PES1: variants seen among roughly 807,000 people sequenced by gnomAD.
The protein encoded by PES1 is pescadillo ribosomal biogenesis factor 1.
Under a neutral mutation model 77.1 loss-of-function variants are expected in PES1, and 31 were observed. The ratio of observed to expected loss-of-function variants is 0.40; its 90% CI spans 0.30 to 0.54. The LOEUF (loss-of-function observed/expected upper bound fraction) is 0.54. PES1 is among the 20% of genes least tolerant of loss of function. The pLI, the probability that PES1 is intolerant of heterozygous loss-of-function variation, is 0.45. For missense variants in PES1, 658 were observed against 771.7 expected (o/e 0.85, Z 1.75); for synonymous variants, 282 against 303.0 (o/e 0.93, Z 0.72).
At position 30,605,586 on chromosome 22, in the gene PES1, A is replaced by ACC. The variant is rs752659970; in HGVS notation, c.-717-71_-717-70dup. The ACC allele has an allele frequency of 1.6e-4, 98 of 611,024 alleles. No individual in the cohort carries two copies. In the South Asian group the frequency reaches 3.2e-3, roughly 20 times the overall value. 37.9% of individuals were successfully genotyped at this position (611,024 alleles called of 1,614,324 possible). ...GGGTTGGGGGAGCCAAGGCAGTCCC[A>ACC]CCCAGGACCAAGGTGGCTCCATTGC... On this transcript the variant is annotated intron_variant, in intron 1 of 16. Coordinates refer to the PES1 transcript ENST00000402281.
chr22:30,578,705 A>T (rs1170232561), intron 14 of PES1, 132 bp downstream of exon 14: 1 of 1,070,884 alleles, frequency 9.3e-7, no homozygotes, highest in African/African-American at 1.6e-5. Context: ...GGGCTGGGCC[A>T]GGCAGGCAAC....
At chr22:30,605,406 C>T (rs886400311) in intron 2 of PES1, 5 of 977,432 alleles carry the variant, frequency 5.1e-6, no homozygotes, top group Admixed American at 6.2e-5. Flanking sequence ...CTTCGACACC[C>T]TAACTACCTT....
At chr22:30,594,242 G>A (rs903395839), upstream of PES1, among the ~76,000 whole-genome samples, 17 of 152,306 alleles carry the variant, frequency 1.1e-4, no homozygotes, top group Admixed American at 9.8e-4. Context: ...AAAATTTGCT[G>A]GGCATGGTGA....
upstream of PES1, among the ~76,000 whole-genome samples, chr22:30,594,741 G>C (rs1381348709): frequency 6.6e-6 from 1 of 151,752 alleles, no homozygotes; most frequent in Non-Finnish European, 1.5e-5. Flanking sequence ...AGCTGAGTGG[G>C]GAGGATCACT....
At position 30,601,338 on chromosome 22, in the gene PES1, G is replaced by A. The variant is rs140887157; in HGVS notation, c.-661+4123C>T. ...GATCTAATTTTTTTTTTTTTAAGAT[G>A]GAGTCTCAGTCCGTCGCCCAGGCTG... On this transcript the variant is annotated intron_variant, in intron 2 of 16. Transcript: ENST00000402281. Among the ~76,000 whole-genome samples, 58 of 151,142 alleles carry A rather than the reference G, an allele frequency of 3.8e-4. No individual in the cohort carries two copies. In the East Asian group the frequency reaches 9.3e-3, roughly 24 times the overall value.
At chr22:30,602,936 A>C (rs1291758422) in intron 2 of PES1, among the ~76,000 whole-genome samples, 2 of 151,802 alleles carry the variant, frequency 1.3e-5, no homozygotes, top group East Asian at 3.9e-4. Context: ...TGTGAGAAGG[A>C]GTCTCGCTCT....
chr22:30,579,039 C>G, intron 13 of PES1, 41 bp from the exon 14 acceptor site: 1 of 1,604,196 alleles, frequency 6.2e-7, no homozygotes, highest in Middle Eastern at 1.7e-4. Flanking sequence ...CAGGTTCTCC[C>G]GACCTCCACA....
In PES1 at chr22:30,606,180, C is replaced by T. The variant is rs192431053; in HGVS notation, c.-718+629G>A. On this transcript the variant is annotated intron_variant, in intron 1 of 16. Transcript: ENST00000402281. ...TTTGAGGTTACTTTCCGAGTTCTGGCAAGTACCCCTGCTTCTGGTAGCTTT... is the reference window on the plus strand; with the variant it reads ...TTTGAGGTTACTTTCCGAGTTCTGGTAAGTACCCCTGCTTCTGGTAGCTTT... Among the ~76,000 whole-genome samples, 187 of 152,196 alleles carry T rather than the reference C, an allele frequency of 1.2e-3. 1 individual carries two copies. Among genetic ancestry groups the T allele is most frequent in the African/African-American group, 4.1e-3 (169 of 41,542 alleles).
At chr22:30,577,368 G>A (rs1480090796) in intron 14 of PES1, among the ~76,000 whole-genome samples, 1 of 152,212 alleles carries the variant, frequency 6.6e-6, no homozygotes, top group East Asian at 1.9e-4. Flanking sequence ...TCCCAGAGCT[G>A]GAAGGAGCCT....
chr22:30,583,228 G>A (rs2087013941), intron 6 of PES1, among the ~76,000 whole-genome samples: 1 of 152,186 alleles, frequency 6.6e-6, no homozygotes, highest in Admixed American at 6.5e-5. Flanking sequence ...TGCCCCAGGG[G>A]GAGAGGGAAC....
chr22:30,602,375 A>G (rs868012711), intron 2 of PES1, among the ~76,000 whole-genome samples: 1 of 151,602 alleles, frequency 6.6e-6, no homozygotes, highest in Non-Finnish European at 1.5e-5. Context: ...CTGTGAGTCA[A>G]TTAAACCTCT....
chr22:30,598,711 G>T (rs1293456587), intron 2 of PES1, among the ~76,000 whole-genome samples: 1 of 151,992 alleles, frequency 6.6e-6, no homozygotes, highest in African/African-American at 2.4e-5. Context: ...TTACAGGCAT[G>T]AACCACCACA....
rs751779397 is a variant in PES1 at position 30,591,826 on chromosome 22, C to G, written c.8G>C (p.Gly3Ala). The change falls in exon 1 of 15, where the codon GGC (glycine) becomes GCC (alanine). Residue 3 changes from glycine (G) to alanine (A), a missense_variant. By Grantham distance (60) the Gly-to-Ala change is moderately conservative (BLOSUM62 0). Transcript: ENST00000354694. MG[G>A]LEKKKYERGS... ...CCCAATCACCTTCTTCTTCTCAAGG[C>G]CTCCCATCGCTCCACGTTGAGGAGC... 1.9e-6 allele frequency: 3 copies of G among 1,563,606 alleles called. No homozygotes were observed. Among genetic ancestry groups the G allele is most frequent in the African/African-American group, 1.4e-5 (1 of 73,696 alleles).
In PES1 at chr22:30,600,072, C is replaced by T. The variant is rs1215611290; in HGVS notation, c.-661+5389G>A. Among the ~76,000 whole-genome samples the T allele has an allele frequency of 2.0e-5, 3 of 152,168 alleles. No individual in the cohort carries two copies. In the East Asian group the frequency reaches 5.8e-4, roughly 29 times the overall value. On this transcript the variant is annotated intron_variant, in intron 2 of 16. Transcript: ENST00000402281. ...CAGGGCCAGGCTAGGTGGCTCACGC[C>T]TTTAATCCCAGCACTTTGGGAGGCA... is the stretch of plus-strand genomic sequence containing the variant.
chr22:30,602,107 G>A (rs1434132134), intron 2 of PES1, among the ~76,000 whole-genome samples: 1 of 151,552 alleles, frequency 6.6e-6, no homozygotes, highest in African/African-American at 2.4e-5. Flanking sequence ...ATGTGGTTTG[G>A]CTCTGTGTCC....
chr22:30,595,045 A>G (rs2087234914), upstream of PES1, among the ~76,000 whole-genome samples: 1 of 152,128 alleles, frequency 6.6e-6, no homozygotes, highest in Non-Finnish European at 1.5e-5. Context: ...AAATTTATAG[A>G]TTCTCATGAT....
At chr22:30,604,525 CAA>C (rs1025231360) in intron 2 of PES1, among the ~76,000 whole-genome samples, 3 of 151,856 alleles carry the variant, frequency 2.0e-5, no homozygotes, top group African/African-American at 7.3e-5. Flanking sequence ...GTCAGCTACT[CAA>C]GAGGTTGAGG....
At chr22:30,603,095 G>C (rs960794144) in intron 2 of PES1, among the ~76,000 whole-genome samples, 1 of 151,992 alleles carries the variant, frequency 6.6e-6, no homozygotes, top group Non-Finnish European at 1.5e-5. Context: ...ATTTTTAGTA[G>C]AGACTGGGTT....
chr22:30,599,346 G>T (rs1306909948), intron 2 of PES1, among the ~76,000 whole-genome samples: 1 of 152,110 alleles, frequency 6.6e-6, no homozygotes. Flanking sequence ...TAAGGGTGTT[G>T]GGGGTTTGGC....
Sources: gnomAD v4.1 joint callset for allele counts (sites outside exome capture counted in the v4.1 genomes callset) on GRCh38, gnomAD v4.1.1 for gene constraint, MANE v1.5 for transcripts, NCBI Gene and HGNC (gene_info 2026-07-23, HGNC 2026-07-21) for gene names.